TUBA1C: variants seen among roughly 807,000 people sequenced by gnomAD.
The protein encoded by TUBA1C is tubulin alpha-1C chain.
A neutral mutation model predicts 34.9 loss-of-function variants in TUBA1C; 16 were observed. That is an observed-to-expected ratio of 0.46 (90% CI 0.31 to 0.70). The LOEUF (loss-of-function observed/expected upper bound fraction) is 0.70. TUBA1C is among the 30% of genes least tolerant of loss of function. The pLI, the probability that TUBA1C is intolerant of heterozygous loss-of-function variation, is 0.05. For missense variants in TUBA1C, 329 were observed against 587.3 expected, an observed-to-expected ratio of 0.56 and a Z score of 4.55; for synonymous variants, 177 against 215.9, an observed-to-expected ratio of 0.82 and a Z score of 1.58.
chr12:49,256,394 C>G (rs1414171264), intron 1 of TUBA1C: 1 of 447,334 alleles, frequency 2.2e-6, no homozygotes, highest in South Asian at 1.6e-5. Flanking sequence ...TTCTTTTCCA[C>G]AGTGTGTGAA....
chr12:49,234,880 C>T (rs1237178096), intron 1 of TUBA1C, among the ~76,000 whole-genome samples: 2 of 152,262 alleles, frequency 1.3e-5, no homozygotes, highest in East Asian at 1.9e-4. Flanking sequence ...TGCACTGGCG[C>T]GATCTCGGCT....
intron 1 of TUBA1C, among the ~76,000 whole-genome samples, chr12:49,254,700 G>A (rs1354907553): frequency 6.6e-6 from 1 of 152,004 alleles, no homozygotes; most frequent in Non-Finnish European, 1.5e-5. Context: ...GCTTCATCAC[G>A]TAGGCATGAT....
chr12:49,264,366 G>A (rs562807896), upstream of TUBA1C, among the ~76,000 whole-genome samples: 12 of 152,234 alleles, frequency 7.9e-5, no homozygotes, highest in Non-Finnish European at 1.3e-4. Context: ...GAGGACGTAA[G>A]GAAAAGCAAC....
chr12:49,261,071 G>A (rs1363599902), upstream of TUBA1C, among the ~76,000 whole-genome samples: 1 of 152,106 alleles, frequency 6.6e-6, no homozygotes, highest in Non-Finnish European at 1.5e-5. Context: ...ATTGTAGGCT[G>A]GGCGCAGGGG....
upstream of TUBA1C, among the ~76,000 whole-genome samples, chr12:49,262,757 G>A (rs1942853712): frequency 6.6e-6 from 1 of 152,128 alleles, no homozygotes; most frequent in South Asian, 2.1e-4. Flanking sequence ...TCCAGCCTGG[G>A]CAACAGAGCG....
At chr12:49,271,227 C>T (rs756530539) in intron 3 of TUBA1C, among the ~76,000 whole-genome samples, 1 of 152,138 alleles carries the variant, frequency 6.6e-6, no homozygotes, top group Non-Finnish European at 1.5e-5. Context: ...GACCCACAGG[C>T]TATAAGGGAG....
At chr12:49,236,741 C>A (rs912984699) in intron 1 of TUBA1C, among the ~76,000 whole-genome samples, 4 of 152,174 alleles carry the variant, frequency 2.6e-5, no homozygotes, top group African/African-American at 9.7e-5. Context: ...TATAACACAG[C>A]CTATTGCTCC....
At chr12:49,269,305 C>T (rs539747833) in intron 1 of TUBA1C, among the ~76,000 whole-genome samples, 160 bp from the exon 2 acceptor site, 75 of 152,256 alleles carry the variant, frequency 4.9e-4, no homozygotes, top group South Asian at 1.9e-3. Flanking sequence ...TCAGGTGATC[C>T]ACCTGCCTCA....
chr12:49,246,715 A>T (rs1263220667), intron 1 of TUBA1C, among the ~76,000 whole-genome samples: 4 of 152,182 alleles, frequency 2.6e-5, no homozygotes, highest in African/African-American at 9.6e-5. Flanking sequence ...GTGCTTCCTA[A>T]AACATGCAGA....
chr12:49,264,923 C>G (rs1942883043), upstream of TUBA1C: 2 of 381,126 alleles, frequency 5.2e-6, no homozygotes, highest in Non-Finnish European at 9.1e-6. Flanking sequence ...TTGAATCCGC[C>G]AATCAGCGCC....
At chr12:49,265,482 C>T (rs1321396078) in intron 1 of TUBA1C, among the ~76,000 whole-genome samples, 2 of 152,244 alleles carry the variant, frequency 1.3e-5, no homozygotes, top group East Asian at 1.9e-4. Flanking sequence ...GGTCAGGGAG[C>T]CTGCTCATTG....
upstream of TUBA1C, chr12:49,264,877 G>A (rs1204150050): frequency 5.8e-6 from 1 of 172,086 alleles, no homozygotes. Context: ...TCCTCTTCCT[G>A]CTCCTGGCTC....
In TUBA1C at chr12:49,273,484, G is replaced by GACT. The variant is rs1252454281; in HGVS notation, c.*258_*260dup. The GACT allele has an allele frequency of 1.9e-6, 1 of 537,892 alleles. No individual in the cohort carries two copies. The highest frequency in any genetic ancestry group is 3.2e-6 in the Non-Finnish European group (1 of 308,038). 33.3% of individuals were successfully genotyped at this position (537,892 alleles called of 1,614,324 possible). On this transcript the variant is annotated 3_prime_UTR_variant, in exon 4 of 4. Coordinates refer to ENST00000301072, the MANE Select transcript of TUBA1C (RefSeq NM_032704.5). ...AGCTCATTGCAGCCTCGAGCTCCTG[G>GACT]ACTCATGTGATTCTCCTGCTTCAGC...
rs555749099 is a variant in TUBA1C at position 49,237,039 on chromosome 12, G to A, written c.213+8873G>A. Among the ~76,000 whole-genome samples, 4 of 152,274 alleles carry A rather than the reference G, an allele frequency of 2.6e-5. 1 individual carries two copies. The highest frequency in any genetic ancestry group is 9.6e-5 in the African/African-American group (4 of 41,540). On this transcript the variant is annotated intron_variant, in intron 1 of 3. Coordinates refer to the TUBA1C transcript ENST00000541364. The stretch of plus-strand genomic sequence containing the variant: ...GAATGAGACCTGCTGATTCTACCAT[G>A]ATACTGATCATAGAGAAAATGTTAA...
chr12:49,230,343 T>C (rs1163697869), intron 1 of TUBA1C, among the ~76,000 whole-genome samples: 4 of 152,106 alleles, frequency 2.6e-5, no homozygotes, highest in East Asian at 1.9e-4. Flanking sequence ...ACTAAAAACA[T>C]AGGAGAAGAA....
Position 49,272,480 on chromosome 12 carries a change from C to T in TUBA1C, c.603C>T (p.Ala201=), listed in dbSNP as rs1943005211. Residue 201 remains alanine, a synonymous_variant, in exon 4 of 4, where the codon GCC becomes GCT. Transcript: ENST00000301072. ...CCACCCTGGAGCACTCTGATTGTGCCTTCATGGTAGACAATGAGGCCATCT... is the reference window on the plus strand; with the variant it reads ...CCACCCTGGAGCACTCTGATTGTGCTTTCATGGTAGACAATGAGGCCATCT... ...THTTLEHSDC[A]FMVDNEAIYD... 1 of 1,610,612 alleles carries T rather than the reference C, an allele frequency of 6.2e-7. No individual in the cohort carries two copies. The highest frequency in any genetic ancestry group is 8.5e-7 in the Non-Finnish European group (1 of 1,178,812).
intron 1 of TUBA1C, chr12:49,228,196 T>C (rs2097815120): frequency 2.0e-6 from 3 of 1,531,942 alleles, no homozygotes; most frequent in African/African-American, 1.4e-5. Context: ...GTAATGTAAA[T>C]AGCTTCATCA....
chr12:49,272,368 A>G lies in TUBA1C; in HGVS notation c.491A>G (p.Lys164Arg). The G allele has an allele frequency of 6.2e-7, 1 of 1,614,102 alleles. No homozygotes were observed. The highest frequency in any genetic ancestry group is 8.5e-7 in the Non-Finnish European group (1 of 1,180,016). Reference protein sequence around the residue: ...MERLSVDYGKKSKLEFSIYPA... With the variant: ...MERLSVDYGKRSKLEFSIYPA... The stretch of plus-strand genomic sequence containing the variant: ...CGTCTCTCAGTTGATTATGGCAAGA[A>G]GTCCAAGCTGGAGTTCTCCATTTAC... The change falls in exon 4 of 4, where the codon AAG becomes AGG. Residue 164 changes from lysine (K) to arginine (R), a missense_variant. Around this residue, in one of 4 missense-constraint regions of TUBA1C, gnomAD observed 152 missense variants for 240.3 expected, o/e 0.63. Coordinates refer to ENST00000301072, the MANE Select transcript of TUBA1C (RefSeq NM_032704.5).
upstream of TUBA1C, among the ~76,000 whole-genome samples, chr12:49,262,399 TAAAAAAAAAAA>T (rs55985243): frequency 7.1e-5 from 3 of 42,072 alleles, no homozygotes. Context: ...AGACCCTGTG[TAAAAAAAAAAA>T]AAAAAAAAAA....
Sources: allele counts gnomAD v4.1 joint callset (sites outside exome capture counted in the v4.1 genomes callset), GRCh38; gene constraint gnomAD v4.1.1; regional missense constraint gnomAD v4.1.1; transcripts MANE v1.5; gene names NCBI Gene and HGNC (gene_info 2026-07-23, HGNC 2026-07-21).